The following APBA2 variants were observed in gnomAD, a reference collection of about 807,000 sequenced individuals.
APBA2 encodes amyloid-beta A4 precursor protein-binding family A member 2.
In APBA2, 30 loss-of-function variants were observed where a neutral mutation model predicts 75.0. The observed-to-expected ratio is 0.40, with a 90% CI of 0.30 to 0.54. The LOEUF is 0.54. Ranked by LOEUF, APBA2 falls within the 20% of genes least tolerant of loss-of-function variation. The pLI, the probability that APBA2 is intolerant of heterozygous loss-of-function variation, is 0.49. For missense variants in APBA2, 801 were observed against 1,016.1 expected, an observed-to-expected ratio of 0.79 and a Z score of 2.88; for synonymous variants, 444 against 409.6, an observed-to-expected ratio of 1.08 and a Z score of -1.01.
rs147577107 is a variant in APBA2, at chr15:28,980,323, A to G, written c.-94-15430A>G. The stretch of plus-strand genomic sequence containing the variant: ...CTTCACTGATGTTATGATTCTATAC[A>G]TAGAAAACCCTAAAGACTTTGCCAA... On this transcript the variant is annotated intron_variant, in intron 2 of 14. Transcript: ENST00000683413. 4.9e-3 allele frequency among the ~76,000 whole-genome samples: 742 copies of G among 152,340 alleles called. 7 individuals carry two copies. The highest frequency in any genetic ancestry group is 0.033 in the South Asian group (161 of 4,828).
At chr15:29,107,953 C>T (rs771394854) in intron 12 of APBA2, among the ~76,000 whole-genome samples, 4 of 152,156 alleles carry the variant, frequency 2.6e-5, no homozygotes, top group East Asian at 1.9e-4. Context: ...GTGCCAGGTG[C>T]GTTGGTTCTG....
chr15:28,930,066 C>G (rs1484046321), intron 2 of APBA2, among the ~76,000 whole-genome samples: 2 of 152,166 alleles, frequency 1.3e-5, no homozygotes, highest in Admixed American at 1.3e-4. Flanking sequence ...GTGGAAGGAG[C>G]TGAGTTGGGG....
At chr15:28,999,078 G>C (rs1392711779) in intron 3 of APBA2, among the ~76,000 whole-genome samples, 1 of 151,858 alleles carries the variant, frequency 6.6e-6, no homozygotes, top group African/African-American at 2.4e-5. Flanking sequence ...AACCTGGGGG[G>C]CGGAGGTTGC....
chr15:29,091,316 G>T (rs533024064), intron 6 of APBA2, among the ~76,000 whole-genome samples: 1 of 152,266 alleles, frequency 6.6e-6, no homozygotes, highest in South Asian at 2.1e-4. Flanking sequence ...GAGCACAGGT[G>T]ATCCTCTGAC....
intron 3 of APBA2, among the ~76,000 whole-genome samples, chr15:29,008,528 C>T (rs994031760): frequency 6.6e-6 from 1 of 151,950 alleles, no homozygotes; most frequent in African/African-American, 2.4e-5. Context: ...TCGAGACCAG[C>T]CTGGGCAACA....
chr15:29,047,379 G>A (rs1026181246), intron 3 of APBA2, among the ~76,000 whole-genome samples: 14 of 152,112 alleles, frequency 9.2e-5, no homozygotes, highest in South Asian at 4.1e-4. Flanking sequence ...GGTGAAAAAC[G>A]GGATCATTAC....
At chr15:29,056,806 G>C (rs1041342438) in intron 4 of APBA2, among the ~76,000 whole-genome samples, 1 of 151,810 alleles carries the variant, frequency 6.6e-6, no homozygotes, top group Non-Finnish European at 1.5e-5. Flanking sequence ...CCCGCTGCAC[G>C]TGGGCAGGGT....
chr15:28,974,146 G>T (rs1199608554), intron 2 of APBA2, among the ~76,000 whole-genome samples: 2 of 152,138 alleles, frequency 1.3e-5, no homozygotes, highest in African/African-American at 4.8e-5. Flanking sequence ...ATGACAGGAG[G>T]GTGTATAGCA....
chr15:29,019,717 G>A lies in APBA2; in HGVS notation c.-41+23911G>A, dbSNP rs145049648. On this transcript the variant is annotated intron_variant, in intron 3 of 14. Transcript: ENST00000683413. The stretch of plus-strand genomic sequence containing the variant: ...ACTGCTGCAGAGGCTTCCAGGGACC[G>A]TGTGTACAGTACTAGATACTGTTTA... Among the ~76,000 whole-genome samples the A allele has an allele frequency of 1.6e-4, 25 of 152,320 alleles. No homozygotes were observed. In the East Asian group the frequency reaches 3.5e-3, roughly 21 times the overall value.
intron 4 of APBA2, among the ~76,000 whole-genome samples, chr15:29,056,661 C>CTT (rs1254084640): frequency 4.2e-5 from 5 of 118,412 alleles, no homozygotes; most frequent in Non-Finnish European, 6.9e-5. Context: ...CTCTCTCTCT[C>CTT]TCTTTCTTTC....
intron 3 of APBA2, among the ~76,000 whole-genome samples, chr15:29,023,507 G>A (rs2152833353): frequency 7.5e-6 from 1 of 134,082 alleles, no homozygotes. Flanking sequence ...CTAGGCTGGA[G>A]TGTAGTGGCG....
At chr15:28,902,336 A>G (rs1452653697) in intron 1 of APBA2, among the ~76,000 whole-genome samples, 1 of 152,154 alleles carries the variant, frequency 6.6e-6, no homozygotes, top group Non-Finnish European at 1.5e-5. Flanking sequence ...AACTCCAGAC[A>G]AATTCCAGTT....
chr15:28,981,773 G>T (rs2037635635), intron 2 of APBA2, among the ~76,000 whole-genome samples: 1 of 152,014 alleles, frequency 6.6e-6, no homozygotes, highest in South Asian at 2.1e-4. Context: ...CATCAGCAGT[G>T]GACTAGATAA....
intron 3 of APBA2, among the ~76,000 whole-genome samples, chr15:29,036,587 G>T (rs1190160534): frequency 1.3e-5 from 2 of 152,208 alleles, no homozygotes; most frequent in African/African-American, 4.8e-5. Flanking sequence ...AGGGTTTGGG[G>T]TGCAGAGACC....
chr15:29,113,758 C>T (rs766293716), intron 13 of APBA2, 118 bp from the exon 14 acceptor site: 121 of 1,314,868 alleles, frequency 9.2e-5, no homozygotes, highest in Middle Eastern at 2.3e-4. Context: ...GCGAATTGCA[C>T]GTGCACGTAT....
At chr15:29,071,140 T>C in intron 4 of APBA2, 1 of 442,616 alleles carries the variant, frequency 2.3e-6, no homozygotes, top group South Asian at 1.6e-5. Context: ...TCCAAAGCAA[T>C]GTGATTATAT....
At position 29,101,745 on chromosome 15, in the gene APBA2, G is replaced by A. The variant is rs1425294695; in HGVS notation, c.1485G>A (p.Lys495=). 3 of 1,613,588 alleles carry A rather than the reference G, an allele frequency of 1.9e-6. No individual in the cohort carries two copies. Among genetic ancestry groups the A allele is most frequent in the South Asian group, 2.2e-5 (2 of 91,088 alleles). ...CGCCCGGGGCCCAGGAAGGCAAGAA[G>A]CAGTATAAGATGATCTGCCATGTGT... The part of the protein sequence containing the change: ...ETTPGAQEGK[K]QYKMICHVFE... Residue 495 remains lysine (K), a synonymous_variant, in exon 10 of 15, where the codon AAG becomes AAA. Transcript: ENST00000683413.
intron 9 of APBA2, among the ~76,000 whole-genome samples, chr15:29,100,422 C>T (rs2044060404): frequency 2.6e-5 from 4 of 152,234 alleles, no homozygotes. Flanking sequence ...GTTGCAGAAA[C>T]ACTCGAGTTT....
At chr15:28,954,339 G>A (rs76293333) in intron 2 of APBA2, among the ~76,000 whole-genome samples, 4,654 of 152,074 alleles carry the variant, frequency 0.031, 255 homozygotes, top group African/African-American at 0.11. Flanking sequence ...AGAGCTCTCC[G>A]TTCCCTGGCC....
Sources: allele counts gnomAD v4.1 joint callset (sites outside exome capture counted in the v4.1 genomes callset), GRCh38; gene constraint gnomAD v4.1.1; transcripts MANE v1.5; gene names NCBI Gene and HGNC (gene_info 2026-07-23, HGNC 2026-07-21).